Variants in GRHL1 observed in about 807,000 individuals in gnomAD.
GRHL1 encodes the protein grainyhead-like protein 1 homolog.
GRHL1 carries 38 observed loss-of-function variants against 75.7 expected under a neutral mutation model. That is an observed-to-expected ratio of 0.50 (90% confidence interval 0.39 to 0.66). The LOEUF is 0.66. Ranked by LOEUF, GRHL1 falls within the 30% of genes least tolerant of loss-of-function variation. GRHL1 has a pLI of 0.00. For synonymous variants in GRHL1, 266 were observed against 279.4 expected, an observed-to-expected ratio of 0.95 and a Z score of 0.48; for missense variants, 589 against 767.5, an observed-to-expected ratio of 0.77 and a Z score of 2.75.
At chr2:9,985,179 C>G (rs966317210) in intron 8 of GRHL1, among the ~76,000 whole-genome samples, 1 of 152,092 alleles carries the variant, frequency 6.6e-6, no homozygotes, top group Non-Finnish European at 1.5e-5. Flanking sequence ...GACAGTTTCT[C>G]TGAAGTAATT....
chr2:9,998,605 T>TATACATATATATGTACAC (rs1558320252), intron 14 of GRHL1, among the ~76,000 whole-genome samples: 6 of 57,010 alleles, frequency 1.1e-4, no homozygotes, highest in East Asian at 3.8e-4. Flanking sequence ...TACACATATA[T>TATACATATATATGTACAC]ATATACATAT....
At chr2:9,981,392 T>TA (rs1668191670) in intron 8 of GRHL1, among the ~76,000 whole-genome samples, 1 of 152,176 alleles carries the variant, frequency 6.6e-6, no homozygotes, top group South Asian at 2.1e-4. Flanking sequence ...AACAGGGAAA[T>TA]ACACCTCCTC....
At chr2:9,956,655 T>C (rs1667039767) in intron 2 of GRHL1, among the ~76,000 whole-genome samples, 1 of 152,214 alleles carries the variant, frequency 6.6e-6, no homozygotes, top group Admixed American at 6.5e-5. Flanking sequence ...CTAATGATGC[T>C]AGAAGAAACT....
intron 8 of GRHL1, 71 bp downstream of exon 8, chr2:9,965,452 C>A: frequency 1.2e-6 from 1 of 830,322 alleles, no homozygotes; most frequent in Non-Finnish European, 2.0e-6. Context: ...GATTTGACAA[C>A]TGATTTTTTT....
chr2:9,978,756 C>T (rs1381682128), intron 8 of GRHL1, among the ~76,000 whole-genome samples: 2 of 152,006 alleles, frequency 1.3e-5, no homozygotes, highest in Admixed American at 6.5e-5. Flanking sequence ...TTTGGGAGGC[C>T]GAGGCAGATG....
chr2:9,953,795 C>T (rs1036599402), intron 1 of GRHL1, among the ~76,000 whole-genome samples: 28 of 152,156 alleles, frequency 1.8e-4, no homozygotes, highest in African/African-American at 6.8e-4. Flanking sequence ...ACCTTTAGGC[C>T]ATTTACATAT....
At chr2:9,996,266 C>CT in intron 13 of GRHL1, 50 bp from the exon 14 acceptor site, 3 of 1,335,014 alleles carry the variant, frequency 2.2e-6, no homozygotes, top group Non-Finnish European at 3.2e-6. Context: ...GAACTGTATC[C>CT]TTTTTTTCCT....
intron 1 of GRHL1, chr2:9,952,992 T>A (rs1666856739): frequency 4.4e-6 from 2 of 456,568 alleles, no homozygotes; most frequent in East Asian, 6.9e-5. Flanking sequence ...CTGAAAGTGA[T>A]GATGAGCCTT....
chr2:9,962,203 C>A (rs760764519), intron 4 of GRHL1, among the ~76,000 whole-genome samples: 1 of 151,966 alleles, frequency 6.6e-6, no homozygotes, highest in Non-Finnish European at 1.5e-5. Context: ...AAAAGGGGGT[C>A]GTGAGTCAGA....
At chr2:9,977,950 C>T (rs761118449) in intron 8 of GRHL1, among the ~76,000 whole-genome samples, 6 of 152,152 alleles carry the variant, frequency 3.9e-5, no homozygotes, top group East Asian at 3.9e-4. Flanking sequence ...AAAATCATGG[C>T]GGAAGGCGAA....
At chr2:9,986,879 A>T (rs1323174166) in intron 9 of GRHL1, among the ~76,000 whole-genome samples, 2 of 151,590 alleles carry the variant, frequency 1.3e-5, no homozygotes, top group East Asian at 3.9e-4. Flanking sequence ...GCTAATTTTT[A>T]ATTTTCTTGT....
intron 11 of GRHL1, 76 bp from the exon 12 acceptor site, chr2:9,993,131 C>T: frequency 2.9e-6 from 3 of 1,048,462 alleles, no homozygotes; most frequent in Non-Finnish European, 4.5e-6. Flanking sequence ...AAATTATTTC[C>T]ATTTTAGGAA....
Position 9,958,867 on chromosome 2 carries a change from G to C in GRHL1, c.278+11G>C. ...AGATCACAGCAAAAGGTAACATTCAGTGCCTAACAGCATAAAGAGTGCAGG... is the reference window on the plus strand; with the variant it reads ...AGATCACAGCAAAAGGTAACATTCACTGCCTAACAGCATAAAGAGTGCAGG... On this transcript the variant is annotated intron_variant, in intron 3 of 15. Coordinates refer to ENST00000324907, the MANE Select transcript of GRHL1 (RefSeq NM_198182.3). 1 of 1,613,114 alleles carries C rather than the reference G, an allele frequency of 6.2e-7. No homozygotes were observed. Among genetic ancestry groups the C allele is most frequent in the Non-Finnish European group, 8.5e-7 (1 of 1,179,234 alleles).
intron 3 of GRHL1, 153 bp from the exon 4 acceptor site, chr2:9,960,893 C>G: frequency 1.8e-6 from 1 of 569,664 alleles, no homozygotes; most frequent in Non-Finnish European, 3.0e-6. Context: ...AAGCCTTTTT[C>G]CCTTTATCTA....
At chr2:9,963,806 C>T (rs1667375376) in intron 5 of GRHL1, 80 bp from the exon 6 acceptor site, 1 of 926,284 alleles carries the variant, frequency 1.1e-6, no homozygotes, top group South Asian at 2.0e-5. Context: ...AAAAAGATAG[C>T]AAATGCTATT....
rs953957481 is a variant in GRHL1 at position 9,979,977 on chromosome 2, C to A, written c.1111-6147C>A. On this transcript the variant is annotated intron_variant, in intron 8 of 15. Coordinates refer to ENST00000324907, the MANE Select transcript of GRHL1 (RefSeq NM_198182.3). ...TAAAGTTCACGTTCCTGACTACTCT[C>A]TTTAGACTAGACAGTTAGCAAGCTT... Among the ~76,000 whole-genome samples, 102 of 152,320 alleles carry A rather than the reference C, an allele frequency of 6.7e-4. 1 individual carries two copies. Among genetic ancestry groups the A allele is most frequent in the African/African-American group, 2.2e-3 (91 of 41,564 alleles).
intron 1 of GRHL1, among the ~76,000 whole-genome samples, chr2:9,953,353 A>G (rs1666879522): frequency 6.6e-6 from 1 of 152,254 alleles, no homozygotes; most frequent in Non-Finnish European, 1.5e-5. Flanking sequence ...CAATCAGTCC[A>G]TGGCACCAGC....
chr2:10,001,924 A>T lies in GRHL1; in HGVS notation c.*1217A>T, dbSNP rs754069157. The stretch of plus-strand genomic sequence containing the variant: ...TTGTATGTTAACAATTCTAGAAAAC[A>T]TTCATGAATTCACAAAAATATGTTA... On this transcript the variant is annotated 3_prime_UTR_variant, in exon 16 of 16. Coordinates refer to ENST00000324907, the MANE Select transcript of GRHL1 (RefSeq NM_198182.3). 3 of 152,634 alleles carry T rather than the reference A, an allele frequency of 2.0e-5. No individual in the cohort carries two copies. The highest frequency in any genetic ancestry group is 6.5e-5 in the Admixed American group (1 of 15,286). The allele number at this position is 152,634 out of a possible 1,614,324, so 9.5% of individuals were successfully genotyped here.
rs1246792849 is a variant in GRHL1 at position 9,990,764 on chromosome 2, C to T, written c.1321+17C>T. 6.2e-7 allele frequency: 1 copy of T among 1,604,200 alleles called. No homozygotes were observed. The highest frequency in any genetic ancestry group is 1.3e-5 in the African/African-American group (1 of 74,486). Reference sequence around the variant, plus strand: ...AAAGAAAAGGCAAGTGTCCTGACCCCAGCTCCCAGGTGAATGCCTGTAAGT... The same window carrying T: ...AAAGAAAAGGCAAGTGTCCTGACCCTAGCTCCCAGGTGAATGCCTGTAAGT... On this transcript the variant is annotated intron_variant, in intron 10 of 15. Transcript: ENST00000324907. The surrounding 1 kb of genome is among the most constrained non-coding windows in gnomAD (Gnocchi z 4.2).
Sources: gnomAD v4.1 joint callset for allele counts (sites outside exome capture counted in the v4.1 genomes callset) on GRCh38, gnomAD v4.1.1 for gene constraint, Gnocchi (gnomAD v3.1) non-coding constraint, MANE v1.5 for transcripts, NCBI Gene and HGNC (gene_info 2026-07-23, HGNC 2026-07-21) for gene names.